VIT: variants seen among roughly 807,000 people sequenced by gnomAD.
The protein encoded by VIT is vitrin.
VIT carries 99 observed loss-of-function variants against 78.0 expected under a neutral mutation model. That is an observed-to-expected ratio of 1.27 (90% CI 1.08 to 1.50). VIT has a LOEUF of 1.50. Among genes scored for constraint, VIT ranks in the 40% most tolerant of loss-of-function variants. The pLI, the probability that VIT is intolerant of heterozygous loss-of-function variation, is 0.00. For synonymous variants in VIT, 374 were observed against 334.3 expected (o/e 1.12, Z -1.29); for missense variants, 1,126 against 875.3 (o/e 1.29, Z -3.61).
intron 12 of VIT, among the ~76,000 whole-genome samples, chr2:36,793,970 G>A (rs1363497104): frequency 6.6e-6 from 1 of 152,252 alleles, no homozygotes; most frequent in South Asian, 2.1e-4. Context: ...TTTCTTTCAA[G>A]GAGAGGAATG....
At chr2:36,755,955 ATT>A (rs58344336) in intron 5 of VIT, among the ~76,000 whole-genome samples, 2 of 108,620 alleles carry the variant, frequency 1.8e-5, no homozygotes. Context: ...ACAACACAGT[ATT>A]TTTTTTTTTT....
At chr2:36,704,621 G>T (rs1357623704) in intron 1 of VIT, among the ~76,000 whole-genome samples, 1 of 152,080 alleles carries the variant, frequency 6.6e-6, no homozygotes, top group African/African-American at 2.4e-5. Context: ...TGTTTCTACT[G>T]GTCCCTGGAA....
chr2:36,730,038 G>A (rs1295508830), intron 3 of VIT, among the ~76,000 whole-genome samples: 2 of 152,192 alleles, frequency 1.3e-5, no homozygotes, highest in Non-Finnish European at 2.9e-5. Flanking sequence ...GCTTATGCCT[G>A]TAATCCCAGC....
At chr2:36,768,003 G>A (rs1281018519) in intron 7 of VIT, among the ~76,000 whole-genome samples, 1 of 152,150 alleles carries the variant, frequency 6.6e-6, no homozygotes, top group Admixed American at 6.5e-5. Context: ...TTCCTTCCAG[G>A]AGGAAGTGCT....
At chr2:36,812,172 G>A (rs1049134300) in intron 15 of VIT, among the ~76,000 whole-genome samples, 1 of 152,090 alleles carries the variant, frequency 6.6e-6, no homozygotes, top group South Asian at 2.1e-4. Context: ...AACTGGAGGA[G>A]GGAGAAAGGG....
intron 12 of VIT, among the ~76,000 whole-genome samples, chr2:36,794,853 A>G (rs1665754816): frequency 6.6e-6 from 1 of 152,174 alleles, no homozygotes; most frequent in Non-Finnish European, 1.5e-5. Context: ...TTTTTAAAAG[A>G]AATACCGTTA....
chr2:36,740,040 T>C (rs1289052934), intron 3 of VIT, among the ~76,000 whole-genome samples: 1 of 152,248 alleles, frequency 6.6e-6, no homozygotes, highest in Non-Finnish European at 1.5e-5. Flanking sequence ...GCCAAATGTC[T>C]TCCCGCTCCC....
rs112684658 is a variant in VIT at position 36,765,140 on chromosome 2, G to C, written c.488-1954G>C. Among the ~76,000 whole-genome samples the C allele has an allele frequency of 2.9e-3, 447 of 152,174 alleles. 3 individuals are homozygous for C. Among genetic ancestry groups the C allele is most frequent in the African/African-American group, 0.01 (432 of 41,522 alleles). On this transcript the variant is annotated intron_variant, in intron 6 of 15. Transcript: ENST00000379242. ...TGATTAAATTAAGGATCCTGAGATC[G>C]TGACGGGGCGGTTATTCTGGATTCC...
At chr2:36,756,426 C>G (rs1668770622) in intron 5 of VIT, among the ~76,000 whole-genome samples, 1 of 152,170 alleles carries the variant, frequency 6.6e-6, no homozygotes, top group African/African-American at 2.4e-5. Context: ...TTATAGAAAA[C>G]TAGCTGAACA....
chr2:36,760,171 T>A (rs963283773), intron 6 of VIT, among the ~76,000 whole-genome samples: 1 of 151,978 alleles, frequency 6.6e-6, no homozygotes, highest in African/African-American at 2.4e-5. Context: ...ATAGTTGTAT[T>A]TTTAGTAGAG....
chr2:36,804,351 C>T (rs1437506705), intron 13 of VIT, among the ~76,000 whole-genome samples: 2 of 152,222 alleles, frequency 1.3e-5, no homozygotes, highest in Non-Finnish European at 2.9e-5. Flanking sequence ...AGGAAAAACA[C>T]TCCTGACCCC....
chr2:36,748,407 T>C (rs1668266942), intron 4 of VIT, among the ~76,000 whole-genome samples: 1 of 152,234 alleles, frequency 6.6e-6, no homozygotes, highest in African/African-American at 2.4e-5. Context: ...CATAAGTCTG[T>C]ATTTCTCAGA....
intron 12 of VIT, among the ~76,000 whole-genome samples, chr2:36,789,147 C>T (rs907402536): frequency 2.6e-5 from 4 of 152,260 alleles, no homozygotes; most frequent in South Asian, 4.1e-4. Flanking sequence ...CTATCATCTT[C>T]GCCCTCCCCC....
chr2:36,781,988 G>C (rs1158617711), intron 10 of VIT, among the ~76,000 whole-genome samples: 1 of 152,136 alleles, frequency 6.6e-6, no homozygotes, highest in Non-Finnish European at 1.5e-5. Context: ...TAACAAAAGG[G>C]AGAGAGGAAA....
intron 6 of VIT, among the ~76,000 whole-genome samples, chr2:36,761,411 C>G (rs914412701): frequency 6.6e-6 from 1 of 151,998 alleles, no homozygotes; most frequent in African/African-American, 2.4e-5. Context: ...TGGCCTCACC[C>G]GTGGGAAGTT....
intron 1 of VIT, among the ~76,000 whole-genome samples, chr2:36,707,812 T>C (rs72874004): frequency 1.4e-3 from 214 of 150,802 alleles, no homozygotes; most frequent in African/African-American, 4.9e-3. Flanking sequence ...AAATTTCCCC[T>C]GCCTTCCTTA....
chr2:36,769,010 T>C (rs1404223147), intron 7 of VIT, among the ~76,000 whole-genome samples: 1 of 152,174 alleles, frequency 6.6e-6, no homozygotes, highest in Non-Finnish European at 1.5e-5. Context: ...CATCAAACAC[T>C]CCTCCACCAT....
At chr2:36,716,784 A>C (rs1046704047) in intron 2 of VIT, among the ~76,000 whole-genome samples, 1 of 151,932 alleles carries the variant, frequency 6.6e-6, no homozygotes, top group Admixed American at 6.6e-5. Context: ...CTTATTTCTT[A>C]ATTTCGCAAA....
chr2:36,762,939 T>C (rs1021971360), intron 6 of VIT, among the ~76,000 whole-genome samples: 5 of 152,080 alleles, frequency 3.3e-5, no homozygotes, highest in Non-Finnish European at 7.4e-5. Context: ...TAGCAACCAT[T>C]AGGCAGGCAG....
Sources: gnomAD v4.1 joint callset for allele counts (sites outside exome capture counted in the v4.1 genomes callset) on GRCh38, gnomAD v4.1.1 for gene constraint, MANE v1.5 for transcripts, NCBI Gene and HGNC (gene_info 2026-07-23, HGNC 2026-07-21) for gene names.